The following PPP2R2D variants were observed in gnomAD, a reference collection of about 807,000 sequenced individuals.
PPP2R2D encodes the protein serine/threonine-protein phosphatase 2A 55 kDa regulatory subunit B delta isoform.
PPP2R2D carries 9 observed loss-of-function variants against 31.1 expected under a neutral mutation model. The ratio of observed to expected loss-of-function variants is 0.29; its 90% CI spans 0.17 to 0.51. The LOEUF is 0.51. Ranked by LOEUF, PPP2R2D falls within the 20% of genes least tolerant of loss-of-function variation. The probability of loss-of-function intolerance (pLI) is 0.98; values close to 1 mark genes in which losing one functional copy is unlikely to be tolerated. For missense variants in PPP2R2D, 391 were observed against 465.6 expected (o/e 0.84, Z 1.48); for synonymous variants, 179 against 172.6 (o/e 1.04, Z -0.29).
the PPP2R2D span, chr10:131,968,864 T>C: frequency 3.7e-6 from 1 of 271,312 alleles, no homozygotes; most frequent in Non-Finnish European, 7.3e-6. Flanking sequence ...AACTCAGTGC[T>C]GGGGGAAGTC....
chr10:131,901,224 C>A lies in PPP2R2D; in HGVS notation c.8-14C>A, dbSNP rs1241326651. On this transcript the variant is annotated splice_polypyrimidine_tract_variant and intron_variant, in intron 1 of 8. Transcript: ENST00000455566. ...GGGGCCGCGGCCGGCCTGACCGCCC[C>A]GTTGTGTTTGCAGGAGCCGGAGGCG... 17 of 349,198 alleles carry A rather than the reference C, an allele frequency of 4.9e-5. No homozygotes were observed. The highest frequency in any genetic ancestry group is 8.2e-5 in the Non-Finnish European group (16 of 194,584). The allele number at this position is 349,198 out of a possible 1,614,324, so 21.6% of individuals were successfully genotyped here.
In PPP2R2D at chr10:131,927,595, G is replaced by A. The variant is rs115733447; in HGVS notation, c.101-6863G>A. 2.7e-3 allele frequency among the ~76,000 whole-genome samples: 404 copies of A among 152,256 alleles called. 5 individuals carry two copies. Among genetic ancestry groups the A allele is most frequent in the African/African-American group, 9.2e-3 (381 of 41,540 alleles). ...GACTGTCGCCCAGCAAAGACCCCCA[G>A]TAAATACCCAGCCCCACTAGGAGCA... On this transcript the variant is annotated intron_variant, in intron 2 of 8. Transcript: ENST00000455566.
intron 8 of PPP2R2D, among the ~76,000 whole-genome samples, chr10:131,948,223 C>T (rs782332467): frequency 3.0e-4 from 45 of 152,138 alleles, no homozygotes; most frequent in Admixed American, 1.7e-3. Context: ...CCAGACACAG[C>T]GTGGTCATGG....
chr10:131,950,138 A>G (rs2036610437), intron 8 of PPP2R2D, among the ~76,000 whole-genome samples: 1 of 152,184 alleles, frequency 6.6e-6, no homozygotes, highest in South Asian at 2.1e-4. Flanking sequence ...CAGATCTTGT[A>G]TTAGTGGATG....
chr10:131,903,188 C>T (rs1269397559), intron 2 of PPP2R2D, among the ~76,000 whole-genome samples: 4 of 151,906 alleles, frequency 2.6e-5, no homozygotes, highest in Admixed American at 1.3e-4. Context: ...AATCTTGGGC[C>T]GGGTGTTGTG....
intron 2 of PPP2R2D, chr10:131,911,901 GTGTT>G (rs1279719488): frequency 2.0e-5 from 3 of 152,148 alleles, no homozygotes; most frequent in Admixed American, 2.0e-4. Context: ...CAAAAATAGA[GTGTT>G]TATTATGTAA....
At chr10:131,920,189 G>A (rs1327546107) in intron 2 of PPP2R2D, among the ~76,000 whole-genome samples, 4 of 148,442 alleles carry the variant, frequency 2.7e-5, no homozygotes, top group African/African-American at 5.0e-5. Context: ...GGGACCTGAC[G>A]TGGGTGGAAT....
At chr10:131,968,759 TATTA>T in the PPP2R2D span, 2 of 513,176 alleles carry the variant, frequency 3.9e-6, no homozygotes, top group East Asian at 6.2e-5. Context: ...ATGTATTTTG[TATTA>T]ATTAACTTAG....
At chr10:131,903,299 T>C (rs1223704813) in intron 2 of PPP2R2D, among the ~76,000 whole-genome samples, 1 of 151,966 alleles carries the variant, frequency 6.6e-6, no homozygotes, top group East Asian at 1.9e-4. Context: ...AAACCCCGTC[T>C]CTGCTAAAAA....
At chr10:131,932,657 A>AAAAAAAAAAAAAAAAC (rs2036259912) in intron 2 of PPP2R2D, among the ~76,000 whole-genome samples, 1 of 149,346 alleles carries the variant, frequency 6.7e-6, no homozygotes, top group East Asian at 1.9e-4. Flanking sequence ...AAAAAAAAAA[A>AAAAAAAAAAAAAAAAC]AAAAAAAAAA....
intron 3 of PPP2R2D, among the ~76,000 whole-genome samples, chr10:131,936,793 G>T (rs898849624): frequency 6.6e-6 from 1 of 152,234 alleles, no homozygotes; most frequent in Admixed American, 6.5e-5. Context: ...TGTTCAGCCA[G>T]CTGCAACTTG....
intron 8 of PPP2R2D, among the ~76,000 whole-genome samples, chr10:131,955,370 A>AGT (rs2036773996): frequency 1.3e-5 from 2 of 152,222 alleles, no homozygotes; most frequent in Admixed American, 6.5e-5. Flanking sequence ...GCTTAAAAAT[A>AGT]AACTGTGCTG....
At chr10:131,920,169 A>T (rs1260698619) in intron 2 of PPP2R2D, among the ~76,000 whole-genome samples, 1 of 149,966 alleles carries the variant, frequency 6.7e-6, no homozygotes, top group Non-Finnish European at 1.5e-5. Context: ...GGAATGACAC[A>T]GTGTTTGTAG....
chr10:131,910,146 G>C (rs1056273183), intron 2 of PPP2R2D, among the ~76,000 whole-genome samples: 20 of 152,218 alleles, frequency 1.3e-4, no homozygotes, highest in African/African-American at 3.9e-4. Context: ...GTTTGAGTGT[G>C]CCGGCCTTTC....
intron 8 of PPP2R2D, among the ~76,000 whole-genome samples, chr10:131,949,091 GC>G (rs2119945547): frequency 6.6e-6 from 1 of 152,322 alleles, no homozygotes; most frequent in East Asian, 1.9e-4. Context: ...TCCAGATCTG[GC>G]TTCTACTCTG....
chr10:131,959,985 G>C (rs527635366), downstream of PPP2R2D, among the ~76,000 whole-genome samples: 23 of 152,298 alleles, frequency 1.5e-4, no homozygotes, highest in East Asian at 4.4e-3. Context: ...TGCTGCTCCC[G>C]TGGAACTGCC....
chr10:131,961,647 C>T (rs371144410), downstream of PPP2R2D, among the ~76,000 whole-genome samples: 11 of 152,230 alleles, frequency 7.2e-5, no homozygotes, highest in East Asian at 1.4e-3. Context: ...TTAGGAACTG[C>T]GGCACCCCCG....
At chr10:131,927,520 C>T (rs573948594) in intron 2 of PPP2R2D, among the ~76,000 whole-genome samples, 1 of 152,274 alleles carries the variant, frequency 6.6e-6, no homozygotes, top group Non-Finnish European at 1.5e-5. Flanking sequence ...ATGATGTTTG[C>T]TGCAGAATGG....
intron 8 of PPP2R2D, among the ~76,000 whole-genome samples, chr10:131,949,007 C>T (rs1342317402): frequency 1.3e-5 from 2 of 152,182 alleles, no homozygotes; most frequent in African/African-American, 4.8e-5. Flanking sequence ...ACATCATGAT[C>T]TGTAAAATCT....
Sources: gnomAD v4.1 joint callset for allele counts (sites outside exome capture counted in the v4.1 genomes callset) on GRCh38, gnomAD v4.1.1 for gene constraint, MANE v1.5 for transcripts, NCBI Gene and HGNC (gene_info 2026-07-23, HGNC 2026-07-21) for gene names.